The following CHIC1 variants were observed in gnomAD, a reference collection of about 807,000 sequenced individuals.
CHIC1 encodes cysteine rich hydrophobic domain 1, also known as cysteine-rich hydrophobic domain-containing protein 1.
In CHIC1, 7 loss-of-function variants were observed where a neutral mutation model predicts 18.5. That is an observed-to-expected ratio of 0.38 (90% CI 0.22 to 0.71). The LOEUF (loss-of-function observed/expected upper bound fraction) is 0.71. CHIC1 is among the 30% of genes least tolerant of loss of function. The probability of loss-of-function intolerance (pLI) is 0.49; values close to 1 mark genes in which losing one functional copy is unlikely to be tolerated. For synonymous variants in CHIC1, 77 were observed against 73.5 expected (o/e 1.05, Z -0.25); for missense variants, 159 against 176.9 (o/e 0.90, Z 0.57).
At chrX:73,606,395 C>G (rs954713042) in intron 3 of CHIC1, among the ~76,000 whole-genome samples, 1 of 106,650 alleles carries the variant, frequency 9.4e-6, no homozygotes, top group Non-Finnish European at 1.9e-5. Flanking sequence ...AATTTTTTTT[C>G]AAGGCTCTTA....
chrX:73,617,063 A>G (rs1428807823), intron 3 of CHIC1, among the ~76,000 whole-genome samples: 2 of 112,286 alleles, frequency 1.8e-5, no homozygotes, highest in Non-Finnish European at 1.9e-5. Context: ...TTAAAAGTAA[A>G]TAATTTTAAT....
chrX:73,659,106 G>T (rs1368519748), intron 3 of CHIC1, among the ~76,000 whole-genome samples: 1 of 111,639 alleles, frequency 9.0e-6, no homozygotes, highest in Non-Finnish European at 1.9e-5. Context: ...AATTAACATG[G>T]TCACCTCCCT....
chrX:73,579,369 A>G (rs1489499993), intron 2 of CHIC1, among the ~76,000 whole-genome samples: 1 of 110,499 alleles, frequency 9.0e-6, no homozygotes, highest in Non-Finnish European at 1.9e-5. Flanking sequence ...TAGCTTCCCA[A>G]TGTTAGTTTG....
chrX:73,659,380 T>C (rs1008570685), intron 3 of CHIC1, among the ~76,000 whole-genome samples: 4 of 98,220 alleles, frequency 4.1e-5, no homozygotes, highest in Non-Finnish European at 8.1e-5. Flanking sequence ...CTTTTTTTTT[T>C]TTTTTTTTTT....
At chrX:73,597,742 G>C (rs997894427) in intron 3 of CHIC1, among the ~76,000 whole-genome samples, 2 of 108,971 alleles carry the variant, frequency 1.8e-5, no homozygotes, top group Non-Finnish European at 3.8e-5. Flanking sequence ...TCTACATTAG[G>C]TATTTCTCCT....
chrX:73,577,056 T>C (rs2057502618), intron 1 of CHIC1, among the ~76,000 whole-genome samples: 1 of 110,149 alleles, frequency 9.1e-6, no homozygotes, highest in Admixed American at 9.7e-5. Flanking sequence ...ATAATCCAGC[T>C]CCAACAGTTA....
chrX:73,657,206 C>A (rs2057954353), intron 3 of CHIC1, among the ~76,000 whole-genome samples: 1 of 109,257 alleles, frequency 9.2e-6, no homozygotes, highest in African/African-American at 3.3e-5. Flanking sequence ...ACTACAGGTG[C>A]CCGCCACCAT....
intron 3 of CHIC1, among the ~76,000 whole-genome samples, chrX:73,632,925 C>T (rs769572789): frequency 3.0e-3 from 325 of 107,821 alleles, no homozygotes; most frequent in Non-Finnish European, 5.5e-3. Flanking sequence ...CCCACCACCA[C>T]GCCCAGCTAA....
chrX:73,663,864 A>G (rs1241454799), intron 3 of CHIC1, among the ~76,000 whole-genome samples: 1 of 111,293 alleles, frequency 9.0e-6, no homozygotes, highest in Non-Finnish European at 1.9e-5. Flanking sequence ...TTTACATTCC[A>G]TCATAACTAG....
chrX:73,681,017 C>T lies in CHIC1; in HGVS notation c.*12C>T. ...TCCGACCTGACTGAGGAGTTTTATCCAGTCACTTCTGTGTTACCTGTCATT... is the reference window on the plus strand; with the variant it reads ...TCCGACCTGACTGAGGAGTTTTATCTAGTCACTTCTGTGTTACCTGTCATT... On this transcript the variant is annotated 3_prime_UTR_variant, in exon 6 of 6. Transcript: ENST00000373502. The T allele has an allele frequency of 9.3e-7, 1 of 1,079,686 alleles. No homozygotes were observed. The highest frequency in any genetic ancestry group is 1.2e-6 in the Non-Finnish European group (1 of 800,514). 89.0% of individuals were successfully genotyped at this position (1,079,686 alleles called of 1,213,427 possible).
intron 3 of CHIC1, among the ~76,000 whole-genome samples, chrX:73,605,247 T>C (rs2057675086): frequency 1.8e-5 from 2 of 108,516 alleles, no homozygotes; most frequent in Admixed American, 9.7e-5. Context: ...CCTTTACCAT[T>C]TGTAATGCCC....
At chrX:73,644,826 G>A (rs960719107) in intron 3 of CHIC1, among the ~76,000 whole-genome samples, 6 of 110,593 alleles carry the variant, frequency 5.4e-5, no homozygotes, top group Admixed American at 2.9e-4. Context: ...TTGGAAAAGC[G>A]CAGTATTAGG....
intron 3 of CHIC1, among the ~76,000 whole-genome samples, chrX:73,663,487 A>G (rs2057990590): frequency 9.0e-6 from 1 of 110,539 alleles, no homozygotes; most frequent in African/African-American, 3.3e-5. Flanking sequence ...TAGAGGTTGT[A>G]TAAGTGCCTT....
chrX:73,571,001 C>T (rs1019287056), intron 1 of CHIC1, among the ~76,000 whole-genome samples: 1 of 110,546 alleles, frequency 9.0e-6, no homozygotes, highest in African/African-American at 3.3e-5. Context: ...AGCAAAATGA[C>T]AGTATCAAAA....
At chrX:73,674,359 G>C (rs1190216322) in intron 3 of CHIC1, among the ~76,000 whole-genome samples, 1 of 111,808 alleles carries the variant, frequency 8.9e-6, no homozygotes, top group Non-Finnish European at 1.9e-5. Flanking sequence ...AATCCATCTG[G>C]TCCTGGACTT....
chrX:73,676,089 G>T (rs1174853657), intron 3 of CHIC1, among the ~76,000 whole-genome samples: 6 of 111,414 alleles, frequency 5.4e-5, no homozygotes, highest in Non-Finnish European at 1.1e-4. Flanking sequence ...TAGAGTTTCT[G>T]CCGAGAGATC....
chrX:73,640,660 C>A (rs1446815271), intron 3 of CHIC1, among the ~76,000 whole-genome samples: 1 of 111,711 alleles, frequency 9.0e-6, no homozygotes, highest in Non-Finnish European at 1.9e-5. Flanking sequence ...ATAGTACTCT[C>A]TGATGGGATT....
At chrX:73,677,549 T>G (rs2058073299) in intron 3 of CHIC1, among the ~76,000 whole-genome samples, 1 of 112,121 alleles carries the variant, frequency 8.9e-6, no homozygotes, top group Admixed American at 9.4e-5. Flanking sequence ...AGGTGCAGGA[T>G]ATAATCTCCT....
chrX:73,622,801 C>T (rs906590291), intron 3 of CHIC1, among the ~76,000 whole-genome samples: 2 of 112,038 alleles, frequency 1.8e-5, no homozygotes, highest in African/African-American at 6.5e-5. Context: ...TTACATCTTT[C>T]CCGCTTTCTT....
Sources: allele counts gnomAD v4.1 joint callset (sites outside exome capture counted in the v4.1 genomes callset), GRCh38; gene constraint gnomAD v4.1.1; transcripts MANE v1.5; gene names NCBI Gene and HGNC (gene_info 2026-07-23, HGNC 2026-07-21).